Variants in DAB1 observed in about 807,000 individuals in gnomAD.
The protein encoded by DAB1 is disabled homolog 1.
In DAB1, 15 loss-of-function variants were observed where a neutral mutation model predicts 64.6. The observed-to-expected ratio is 0.23, with a 90% confidence interval of 0.16 to 0.36. DAB1 has a LOEUF of 0.36. DAB1 is among the 10% of genes least tolerant of loss of function. The pLI is 1.00. For missense variants in DAB1, 596 were observed against 706.7 expected (o/e 0.84, Z 1.78); for synonymous variants, 235 against 251.9 (o/e 0.93, Z 0.64).
intron 4 of DAB1, among the ~76,000 whole-genome samples, chr1:58,211,651 T>C (rs1570489345): frequency 6.6e-6 from 1 of 152,182 alleles, no homozygotes; most frequent in Non-Finnish European, 1.5e-5. Flanking sequence ...GCTTGAAAAA[T>C]ACTCCAAGAA....
intron 3 of DAB1, among the ~76,000 whole-genome samples, chr1:58,446,336 A>G (rs1173695796): frequency 6.6e-6 from 1 of 152,236 alleles, no homozygotes; most frequent in Non-Finnish European, 1.5e-5. Context: ...ATATTAGATA[A>G]GAGTACCTAG....
intron 1 of DAB1, among the ~76,000 whole-genome samples, chr1:57,348,349 G>C (rs1016743677): frequency 2.6e-5 from 4 of 152,124 alleles, no homozygotes; most frequent in African/African-American, 9.7e-5. Context: ...AAAAGAGAGA[G>C]GGTGGTTTTA....
intron 5 of DAB1, among the ~76,000 whole-genome samples, chr1:57,973,111 G>T (rs989812002): frequency 2.6e-5 from 4 of 152,174 alleles, no homozygotes; most frequent in African/African-American, 9.6e-5. Flanking sequence ...GTAAAAACAG[G>T]TATCCTAATC....
chr1:58,008,627 T>C (rs952238052), intron 5 of DAB1, among the ~76,000 whole-genome samples: 9 of 152,106 alleles, frequency 5.9e-5, no homozygotes, highest in African/African-American at 1.2e-4. Context: ...GTTAGGAATA[T>C]AGTGTGGGAT....
intron 1 of DAB1, among the ~76,000 whole-genome samples, chr1:57,345,315 G>C (rs1003116143): frequency 1.3e-5 from 2 of 152,154 alleles, no homozygotes; most frequent in African/African-American, 2.4e-5. Context: ...TGGGTGAATG[G>C]TTTGGGATGA....
Position 58,185,564 on chromosome 1 carries a change from GT to G in DAB1, n.310-34977del, listed in dbSNP as rs1401920911. ...TGAAGCCTACCATAGGTTTTGTTTTGTTTTGTTTTGTTTTTAAAGACTTTGA... is the reference window on the plus strand; with the variant it reads ...TGAAGCCTACCATAGGTTTTGTTTTGTTTGTTTTGTTTTTAAAGACTTTGA... On this transcript the variant is annotated intron_variant and non_coding_transcript_variant, in intron 4 of 20. Transcript: ENST00000485760. Among the ~76,000 whole-genome samples the G allele has an allele frequency of 2.0e-5, 3 of 152,126 alleles. No homozygotes were observed. The South Asian group carries it at 6.2e-4, about 32-fold the overall frequency.
At chr1:57,780,761 CT>C (rs1006564530) in intron 6 of DAB1, among the ~76,000 whole-genome samples, 11 of 135,060 alleles carry the variant, frequency 8.1e-5, no homozygotes, top group Admixed American at 2.2e-4. Flanking sequence ...TTTCTTTTTT[CT>C]TTTTTTTTTG....
At chr1:57,539,769 T>C (rs957148965) in intron 7 of DAB1, among the ~76,000 whole-genome samples, 20 of 152,332 alleles carry the variant, frequency 1.3e-4, no homozygotes, top group African/African-American at 4.3e-4. Flanking sequence ...CTCCAACTTG[T>C]ACATAAATAA....
At chr1:57,082,633 G>A (rs975566338) in intron 4 of DAB1, among the ~76,000 whole-genome samples, 4 of 152,006 alleles carry the variant, frequency 2.6e-5, no homozygotes, top group African/African-American at 9.7e-5. Context: ...CATCACCTAG[G>A]TATTAAGCCC....
At chr1:57,542,363 G>A (rs1392258715) in intron 7 of DAB1, among the ~76,000 whole-genome samples, 2 of 151,442 alleles carry the variant, frequency 1.3e-5, no homozygotes, top group African/African-American at 4.9e-5. Flanking sequence ...CCTGGCAGTG[G>A]GCCACACCCC....
intron 2 of DAB1, among the ~76,000 whole-genome samples, chr1:57,235,707 T>A (rs375675330): frequency 5.4e-5 from 8 of 148,102 alleles, no homozygotes; most frequent in Non-Finnish European, 7.4e-5. Context: ...TTCAAAACTT[T>A]AAAAAAGAAA....
chr1:57,134,627 T>G (rs1657923879), intron 4 of DAB1, among the ~76,000 whole-genome samples: 1 of 151,884 alleles, frequency 6.6e-6, no homozygotes, highest in Non-Finnish European at 1.5e-5. Context: ...TGACACAAGT[T>G]TACCTATATA....
At chr1:58,442,159 A>G (rs568985450) in intron 3 of DAB1, among the ~76,000 whole-genome samples, 3 of 152,312 alleles carry the variant, frequency 2.0e-5, no homozygotes, top group African/African-American at 7.2e-5. Context: ...GTGAATGTGC[A>G]TGCATGTGCA....
At chr1:57,006,062 C>A (rs1265535270) in intron 14 of DAB1, among the ~76,000 whole-genome samples, 3 of 152,138 alleles carry the variant, frequency 2.0e-5, no homozygotes, top group Non-Finnish European at 4.4e-5. Context: ...TATGTATCAT[C>A]TTTTGCTGCT....
intron 5 of DAB1, among the ~76,000 whole-genome samples, chr1:58,012,615 G>T (rs1246626305): frequency 6.6e-6 from 1 of 152,170 alleles, no homozygotes; most frequent in Non-Finnish European, 1.5e-5. Flanking sequence ...GAGCTGTCAT[G>T]AATGAGATTA....
chr1:57,422,533 C>T (rs2101093980), intron 1 of DAB1, among the ~76,000 whole-genome samples: 1 of 152,162 alleles, frequency 6.6e-6, no homozygotes, highest in Admixed American at 6.5e-5. Flanking sequence ...CCAGACTCGG[C>T]GACACATACA....
At chr1:57,956,284 C>A (rs143491337) in intron 5 of DAB1, among the ~76,000 whole-genome samples, 11 of 152,108 alleles carry the variant, frequency 7.2e-5, no homozygotes, top group Admixed American at 6.5e-4. Flanking sequence ...AAGCAGTAAC[C>A]CAGAGCTGAT....
intron 6 of DAB1, among the ~76,000 whole-genome samples, chr1:57,810,230 C>A (rs1426269233): frequency 1.3e-5 from 2 of 152,218 alleles, no homozygotes; most frequent in East Asian, 3.9e-4. Context: ...TGATTCAGAG[C>A]TGTATCATTA....
At chr1:57,431,155 A>AAAAAAG (rs1553181246) in intron 7 of DAB1, among the ~76,000 whole-genome samples, 2 of 151,594 alleles carry the variant, frequency 1.3e-5, no homozygotes, top group African/African-American at 4.9e-5. Context: ...AAAAAAAAAA[A>AAAAAAG]AAGAAAAACA....
Sources: allele counts gnomAD v4.1 joint callset (sites outside exome capture counted in the v4.1 genomes callset), GRCh38; gene constraint gnomAD v4.1.1; transcripts MANE v1.5; gene names NCBI Gene and HGNC (gene_info 2026-07-23, HGNC 2026-07-21).